Variants in SYN3 observed in about 807,000 individuals in gnomAD.
SYN3 encodes the protein synapsin-3.
Under a neutral mutation model 65.8 loss-of-function variants are expected in SYN3, and 35 were observed. The observed-to-expected ratio is 0.53, with a 90% CI of 0.41 to 0.70. The LOEUF (loss-of-function observed/expected upper bound fraction) is 0.70, where lower values mean the gene tolerates loss of function less well. SYN3 is among the 30% of genes least tolerant of loss of function. The pLI is 0.00. For synonymous variants in SYN3, 270 were observed against 292.9 expected (o/e 0.92, Z 0.80); for missense variants, 680 against 749.0 (o/e 0.91, Z 1.08).
At chr22:32,822,669 T>A (rs140913425) in intron 6 of SYN3, among the ~76,000 whole-genome samples, 36 of 152,344 alleles carry the variant, frequency 2.4e-4, no homozygotes, top group Non-Finnish European at 2.9e-5. Context: ...ACAGTGAAGA[T>A]CTGCACTTCC....
chr22:32,917,863 C>T (rs1336002147), intron 4 of SYN3, among the ~76,000 whole-genome samples: 1 of 152,248 alleles, frequency 6.6e-6, no homozygotes, highest in Non-Finnish European at 1.5e-5. Context: ...TGCTCTCTTC[C>T]CGTTCCCACG....
intron 7 of SYN3, among the ~76,000 whole-genome samples, chr22:32,563,819 A>G (rs1378586918): frequency 6.6e-6 from 1 of 152,018 alleles, no homozygotes; most frequent in Admixed American, 6.6e-5. Flanking sequence ...ACAGGCATGC[A>G]CCACCATGCC....
Position 32,803,317 on chromosome 22 carries a change from G to C in SYN3, c.711+61598C>G, listed in dbSNP as rs554665607. On this transcript the variant is annotated intron_variant, in intron 6 of 13. Coordinates refer to ENST00000358763, the MANE Select transcript of SYN3 (RefSeq NM_003490.4). ...GTCTTGGGTGAGGGACTCTACCAGC[G>C]TGTTGTGGTGAGGAGGGGGAGGAGG... Among the ~76,000 whole-genome samples the C allele has an allele frequency of 3.1e-3, 477 of 152,184 alleles. 2 individuals carry two copies. Among genetic ancestry groups the C allele is most frequent in the Non-Finnish European group, 5.4e-3 (367 of 67,988 alleles).
intron 3 of SYN3, among the ~76,000 whole-genome samples, chr22:32,946,680 TA>T (rs1440290492): frequency 6.6e-6 from 1 of 152,176 alleles, no homozygotes; most frequent in Admixed American, 6.5e-5. Context: ...CCCTAGAACT[TA>T]AAGTATAATA....
intron 6 of SYN3, among the ~76,000 whole-genome samples, chr22:32,611,049 T>C (rs890335825): frequency 2.0e-5 from 3 of 152,200 alleles, no homozygotes; most frequent in Non-Finnish European, 2.9e-5. Flanking sequence ...AATGAATGTC[T>C]AGGAAATCTC....
intron 7 of SYN3, among the ~76,000 whole-genome samples, chr22:32,564,661 C>A (rs2058635078): frequency 6.6e-6 from 1 of 151,684 alleles, no homozygotes; most frequent in Admixed American, 6.6e-5. Context: ...TGTACACAAA[C>A]AGTGCTCCCA....
chr22:32,689,794 T>C (rs2060638517), intron 6 of SYN3, among the ~76,000 whole-genome samples: 1 of 152,144 alleles, frequency 6.6e-6, no homozygotes, highest in African/African-American at 2.4e-5. Context: ...CAGATCCTAA[T>C]GTGATGGTGT....
intron 6 of SYN3, among the ~76,000 whole-genome samples, chr22:32,739,636 G>T (rs1035501376): frequency 6.6e-6 from 1 of 152,156 alleles, no homozygotes; most frequent in African/African-American, 2.4e-5. Context: ...TTGAGAATTA[G>T]CTGCTTCCCT....
intron 6 of SYN3, among the ~76,000 whole-genome samples, chr22:32,692,488 T>C (rs2060678612): frequency 6.6e-6 from 1 of 152,210 alleles, no homozygotes; most frequent in Non-Finnish European, 1.5e-5. Flanking sequence ...ATTCAGGCCC[T>C]GGGACGAGCA....
At chr22:32,707,017 C>T (rs5998595) in intron 6 of SYN3, among the ~76,000 whole-genome samples, 17 of 152,322 alleles carry the variant, frequency 1.1e-4, no homozygotes, top group African/African-American at 3.8e-4. Flanking sequence ...AATGCTTGCT[C>T]ACCCTTTAAG....
chr22:32,877,131 T>C (rs1050847077), intron 4 of SYN3, among the ~76,000 whole-genome samples: 2 of 152,226 alleles, frequency 1.3e-5, no homozygotes, highest in Non-Finnish European at 2.9e-5. Flanking sequence ...TCCTGGCTGT[T>C]AGTCCCTTTC....
At chr22:32,539,317 A>C (rs2058215488) in intron 8 of SYN3, among the ~76,000 whole-genome samples, 1 of 86,434 alleles carries the variant, frequency 1.2e-5, no homozygotes, top group Non-Finnish European at 2.4e-5. Flanking sequence ...GAACCAAAAA[A>C]GTGGAATAGA....
At chr22:32,533,176 G>A (rs866772706) in intron 10 of SYN3, among the ~76,000 whole-genome samples, 46 of 151,930 alleles carry the variant, frequency 3.0e-4, no homozygotes, top group Admixed American at 1.6e-3. Flanking sequence ...GGGACCCACA[G>A]CCCCTCTGTG....
chr22:32,672,988 C>G (rs959842059), intron 6 of SYN3, among the ~76,000 whole-genome samples: 2 of 152,208 alleles, frequency 1.3e-5, no homozygotes, highest in African/African-American at 4.8e-5. Flanking sequence ...TAGGACGAAG[C>G]CCAATCCCCT....
intron 6 of SYN3, chr22:32,802,121 C>T (rs2145931593): frequency 6.3e-7 from 1 of 1,581,968 alleles, no homozygotes; most frequent in Non-Finnish European, 8.5e-7. Context: ...ACTCCGACAT[C>T]GGTAAGCGCT....
At chr22:32,533,097 G>C (rs1175839266) in intron 10 of SYN3, among the ~76,000 whole-genome samples, 1 of 151,932 alleles carries the variant, frequency 6.6e-6, no homozygotes. Flanking sequence ...GAGAGAGGAA[G>C]CGGCGGGGAT....
intron 6 of SYN3, among the ~76,000 whole-genome samples, chr22:32,841,786 C>T (rs995251405): frequency 1.3e-5 from 2 of 152,070 alleles, no homozygotes; most frequent in Non-Finnish European, 2.9e-5. Context: ...CACTATGGTA[C>T]ATGTTTACCT....
At chr22:32,633,663 C>T (rs56678072) in intron 6 of SYN3, among the ~76,000 whole-genome samples, 14,055 of 152,154 alleles carry the variant, frequency 0.092, 1,448 homozygotes, top group African/African-American at 0.25. Context: ...TGCTTTGTCA[C>T]CTAGGCTGGA....
At position 32,868,966 on chromosome 22, in the gene SYN3, C is replaced by G. The variant is rs375708849; in HGVS notation, c.621G>C (p.Val207=). The G allele has an allele frequency of 1.4e-5, 22 of 1,613,040 alleles. No individual in the cohort carries two copies. Among genetic ancestry groups the G allele is most frequent in the Non-Finnish European group, 1.9e-5 (22 of 1,179,528 alleles). Residue 207 remains valine, a splice_region_variant and synonymous_variant, in exon 5 of 14, where the codon GTG becomes GTC. Coordinates refer to ENST00000358763, the MANE Select transcript of SYN3 (RefSeq NM_003490.4). ...CAGGTCAGCCTGCCCTGTCACCTAC[C>G]ACCCAGGGCTTGCTGCAGAAGTTGT... The part of the protein sequence containing the change: ...SVYNFCSKPW[V]FSQLIKIFHS...
Sources: gnomAD v4.1 joint callset for allele counts (sites outside exome capture counted in the v4.1 genomes callset) on GRCh38, gnomAD v4.1.1 for gene constraint, MANE v1.5 for transcripts, NCBI Gene and HGNC (gene_info 2026-07-23, HGNC 2026-07-21) for gene names.